EYA4: variants seen among roughly 807,000 people sequenced by gnomAD.
EYA4 encodes the protein EYA transcriptional coactivator and phosphatase 4, also known as protein phosphatase EYA4.
A neutral mutation model predicts 87.9 loss-of-function variants in EYA4; 31 were observed. That is an observed-to-expected ratio of 0.35 (90% confidence interval 0.27 to 0.48). EYA4 has a LOEUF of 0.48. Ranked by LOEUF, EYA4 falls within the 20% of genes least tolerant of loss-of-function variation. EYA4 has a pLI of 0.99. For synonymous variants in EYA4, 263 were observed against 270.6 expected (o/e 0.97, Z 0.28); for missense variants, 678 against 761.4 (o/e 0.89, Z 1.29).
rs1224384379 is a variant in EYA4 at position 133,324,890 on chromosome 6, A to G, written c.33+50077A>G. On this transcript the variant is annotated intron_variant, in intron 2 of 19. Transcript: ENST00000355286. ...AGTTTTTCTTGAAAATTTATGGAGT[A>G]TATTTCAGAAGCTATTTTTTTTTTT... Among the ~76,000 whole-genome samples, 4 of 143,840 alleles carry G rather than the reference A, an allele frequency of 2.8e-5. No individual in the cohort carries two copies. The Admixed American group carries it at 2.8e-4, about 10-fold the overall frequency. 94.4% of individuals were successfully genotyped at this position (143,840 alleles called of 152,430 possible). A position where few individuals can be genotyped will look rare whatever the true frequency, so the allele number is the denominator to read the frequency against.
intron 12 of EYA4, among the ~76,000 whole-genome samples, chr6:133,482,622 G>A (rs1182794881): frequency 1.3e-5 from 2 of 152,150 alleles, no homozygotes; most frequent in East Asian, 1.9e-4. Context: ...TCTGTTTAGC[G>A]GTTACTCATT....
chr6:133,491,597 C>T (rs1237848487), intron 13 of EYA4, among the ~76,000 whole-genome samples: 3 of 152,022 alleles, frequency 2.0e-5, no homozygotes, highest in Non-Finnish European at 2.9e-5. Flanking sequence ...AAGATTGAAT[C>T]ATGAAGAAGT....
chr6:133,281,725 G>A (rs1562243448), intron 2 of EYA4, among the ~76,000 whole-genome samples: 1 of 152,162 alleles, frequency 6.6e-6, no homozygotes, highest in Non-Finnish European at 1.5e-5. Flanking sequence ...CCTAGGTAGT[G>A]AGAATAATAC....
At chr6:133,252,601 C>T (rs1392922189) in intron 1 of EYA4, among the ~76,000 whole-genome samples, 1 of 152,082 alleles carries the variant, frequency 6.6e-6, no homozygotes, top group Admixed American at 6.5e-5. Context: ...TTTCAAAAAT[C>T]ACTTGAACAA....
chr6:133,472,891 G>T (rs1795394338), intron 11 of EYA4, among the ~76,000 whole-genome samples: 1 of 149,022 alleles, frequency 6.7e-6, no homozygotes, highest in Non-Finnish European at 1.5e-5. Context: ...TTTAAAGTCT[G>T]TTTTATCAGA....
At chr6:133,485,342 A>AG (rs1467574274) in intron 13 of EYA4, among the ~76,000 whole-genome samples, 1 of 152,186 alleles carries the variant, frequency 6.6e-6, no homozygotes, top group Non-Finnish European at 1.5e-5. Context: ...GGGCAAAGCG[A>AG]GGGGAAGAAG....
At chr6:133,386,955 T>A (rs1041187718) in intron 3 of EYA4, among the ~76,000 whole-genome samples, 4 of 152,220 alleles carry the variant, frequency 2.6e-5, no homozygotes, top group Non-Finnish European at 4.4e-5. Context: ...ACTTAATGAT[T>A]ACCTGAAATT....
At chr6:133,485,558 C>T (rs1263495385) in intron 13 of EYA4, among the ~76,000 whole-genome samples, 2 of 152,178 alleles carry the variant, frequency 1.3e-5, no homozygotes, top group Non-Finnish European at 2.9e-5. Flanking sequence ...GTTCTTTCTG[C>T]CATAGCACAT....
At chr6:133,242,350 T>G (rs1774021908) in intron 1 of EYA4, among the ~76,000 whole-genome samples, 1 of 152,130 alleles carries the variant, frequency 6.6e-6, no homozygotes. Flanking sequence ...CTTTAATAGT[T>G]TTTATGTGGC....
At chr6:133,366,524 C>G (rs1562335819) in intron 2 of EYA4, among the ~76,000 whole-genome samples, 1 of 152,210 alleles carries the variant, frequency 6.6e-6, no homozygotes, top group Non-Finnish European at 1.5e-5. Context: ...AGCCCCACCT[C>G]CATTTGACCT....
intron 1 of EYA4, among the ~76,000 whole-genome samples, chr6:133,244,284 T>A (rs117537494): frequency 4.6e-5 from 7 of 152,314 alleles, no homozygotes; most frequent in African/African-American, 7.2e-5. Flanking sequence ...ACTCAGTTGT[T>A]TTCTTTTTAT....
At chr6:133,466,203 GAGT>G (rs1211107609) in intron 10 of EYA4, among the ~76,000 whole-genome samples, 2 of 152,132 alleles carry the variant, frequency 1.3e-5, no homozygotes, top group Non-Finnish European at 2.9e-5. Flanking sequence ...ACACTAGGCA[GAGT>G]TGTACTATAA....
intron 2 of EYA4, among the ~76,000 whole-genome samples, chr6:133,377,220 A>G (rs1269205446): frequency 1.3e-5 from 2 of 152,054 alleles, no homozygotes; most frequent in African/African-American, 4.8e-5. Flanking sequence ...GTAAGAATCA[A>G]CAGGAGAAAT....
intron 2 of EYA4, among the ~76,000 whole-genome samples, chr6:133,280,543 T>C (rs1777538213): frequency 6.6e-6 from 1 of 152,028 alleles, no homozygotes; most frequent in Non-Finnish European, 1.5e-5. Flanking sequence ...ACTACAGGCA[T>C]GTGCCACGGC....
chr6:133,391,286 A>G (rs1001676780), intron 3 of EYA4, among the ~76,000 whole-genome samples: 8 of 148,320 alleles, frequency 5.4e-5, no homozygotes, highest in Admixed American at 2.1e-4. Context: ...CTGGAGTGCA[A>G]TGGCATGATC....
At chr6:133,404,920 T>C (rs569097547) in intron 3 of EYA4, among the ~76,000 whole-genome samples, 80 of 152,214 alleles carry the variant, frequency 5.3e-4, no homozygotes, top group Non-Finnish European at 9.6e-4. Flanking sequence ...TACGATTTCA[T>C]TCTATTTTAA....
intron 3 of EYA4, among the ~76,000 whole-genome samples, chr6:133,418,550 A>G (rs893443194): frequency 2.6e-5 from 4 of 152,340 alleles, no homozygotes; most frequent in African/African-American, 9.6e-5. Flanking sequence ...ATACACATAC[A>G]TTATATATAC....
chr6:133,261,835 T>C (rs1775820559), intron 1 of EYA4, among the ~76,000 whole-genome samples: 1 of 152,214 alleles, frequency 6.6e-6, no homozygotes, highest in Admixed American at 6.5e-5. Context: ...AGCAAAGTGG[T>C]CTGTATTTTT....
At chr6:133,389,861 C>T (rs925224637) in intron 3 of EYA4, among the ~76,000 whole-genome samples, 1 of 152,158 alleles carries the variant, frequency 6.6e-6, no homozygotes, top group Non-Finnish European at 1.5e-5. Context: ...CTTTTTGAAT[C>T]TCTTTATCCT....
Sources: gnomAD v4.1 joint callset for allele counts (sites outside exome capture counted in the v4.1 genomes callset) on GRCh38, gnomAD v4.1.1 for gene constraint, MANE v1.5 for transcripts, NCBI Gene and HGNC (gene_info 2026-07-23, HGNC 2026-07-21) for gene names.